Variants in TOX observed in about 807,000 individuals in gnomAD.
TOX encodes thymocyte selection associated high mobility group box, also known as thymocyte selection-associated high mobility group box protein TOX.
TOX carries 11 observed loss-of-function variants against 53.7 expected under a neutral mutation model. That is an observed-to-expected ratio of 0.20 (90% CI 0.13 to 0.34). The LOEUF (loss-of-function observed/expected upper bound fraction) is 0.34. TOX is among the 10% of genes least tolerant of loss of function. The pLI is 1.00. For synonymous variants in TOX, 225 were observed against 245.3 expected, an observed-to-expected ratio of 0.92 and a Z score of 0.77; for missense variants, 570 against 664.6, an observed-to-expected ratio of 0.86 and a Z score of 1.56.
intron 1 of TOX, among the ~76,000 whole-genome samples, chr8:59,030,709 T>A (rs2129420008): frequency 6.6e-6 from 1 of 152,314 alleles, no homozygotes; most frequent in Non-Finnish European, 1.5e-5. Flanking sequence ...GCATTCAACA[T>A]GTTCCAACGG....
chr8:58,863,378 C>T (rs754151516), intron 3 of TOX, among the ~76,000 whole-genome samples: 2 of 152,142 alleles, frequency 1.3e-5, no homozygotes, highest in African/African-American at 2.4e-5. Context: ...ACCTAATATA[C>T]TAAGCACGGT....
At chr8:58,830,540 G>GA (rs1810436311) in intron 5 of TOX, among the ~76,000 whole-genome samples, 1 of 152,080 alleles carries the variant, frequency 6.6e-6, no homozygotes, top group Admixed American at 6.6e-5. Context: ...AACTCAAACA[G>GA]AAAAAATTTC....
At chr8:58,844,467 G>C (rs1390325887) in intron 4 of TOX, among the ~76,000 whole-genome samples, 2 of 152,092 alleles carry the variant, frequency 1.3e-5, no homozygotes, top group East Asian at 3.8e-4. Context: ...TTAGAATATG[G>C]AAGAAACCAT....
intron 2 of TOX, among the ~76,000 whole-genome samples, chr8:58,950,983 AT>A (rs1812612057): frequency 6.6e-6 from 1 of 152,212 alleles, no homozygotes; most frequent in South Asian, 2.1e-4. Context: ...TAACTAAGAA[AT>A]GGTAAAATAG....
chr8:59,031,742 C>A (rs1306947070), intron 1 of TOX, among the ~76,000 whole-genome samples: 1 of 152,126 alleles, frequency 6.6e-6, no homozygotes, highest in African/African-American at 2.4e-5. Flanking sequence ...GAAGATTGTT[C>A]CAGACTGAGC....
chr8:59,035,602 C>A (rs1273656284), intron 1 of TOX, among the ~76,000 whole-genome samples: 2 of 152,210 alleles, frequency 1.3e-5, no homozygotes, highest in Non-Finnish European at 2.9e-5. Flanking sequence ...CATCTAATCT[C>A]TCAGAGCCTA....
intron 1 of TOX, among the ~76,000 whole-genome samples, chr8:59,058,218 C>T (rs1230405330): frequency 6.6e-6 from 1 of 152,188 alleles, no homozygotes; most frequent in African/African-American, 2.4e-5. Flanking sequence ...GCAGCACTAG[C>T]ATTTGGAAGG....
At chr8:58,874,732 A>G (rs1811256478) in intron 3 of TOX, among the ~76,000 whole-genome samples, 1 of 152,126 alleles carries the variant, frequency 6.6e-6, no homozygotes, top group African/African-American at 2.4e-5. Context: ...AAAGGCGGGG[A>G]ATTCCCATTA....
At chr8:59,051,819 C>A (rs191101434) in intron 1 of TOX, among the ~76,000 whole-genome samples, 194 of 152,226 alleles carry the variant, frequency 1.3e-3, no homozygotes, top group Non-Finnish European at 2.1e-3. Context: ...TATTTAGACT[C>A]CCAATACTGC....
At chr8:58,951,983 A>C (rs1812629401) in intron 2 of TOX, among the ~76,000 whole-genome samples, 1 of 152,250 alleles carries the variant, frequency 6.6e-6, no homozygotes, top group South Asian at 2.1e-4. Context: ...GAAAGAAAAA[A>C]TACAGATATG....
intron 3 of TOX, among the ~76,000 whole-genome samples, chr8:58,897,860 A>G (rs553124859): frequency 3.9e-5 from 6 of 152,268 alleles, no homozygotes; most frequent in Non-Finnish European, 5.9e-5. Context: ...ATCCATCAAA[A>G]GATTGGCTAG....
At chr8:59,086,806 ACT>A (rs1563442011) in intron 1 of TOX, among the ~76,000 whole-genome samples, 1 of 152,178 alleles carries the variant, frequency 6.6e-6, no homozygotes, top group East Asian at 1.9e-4. Context: ...GCCTTAAGGC[ACT>A]CTCTGATGGC....
In TOX at chr8:59,074,628, G is replaced by T. The variant is rs2129422805; in HGVS notation, c.102+44258C>A. On this transcript the variant is annotated intron_variant, in intron 1 of 8. Transcript: ENST00000361421. Reference sequence around the variant, plus strand: ...ACTAAGATATAGTGGACTGCTTCTGGATGTTGTAGACAGAAATTAAAGTTA... The same window carrying T: ...ACTAAGATATAGTGGACTGCTTCTGTATGTTGTAGACAGAAATTAAAGTTA... Among the ~76,000 whole-genome samples the T allele has an allele frequency of 1.3e-5, 2 of 152,262 alleles. 1 individual carries two copies. The highest frequency in any genetic ancestry group is 4.2e-4 in the South Asian group (2 of 4,816).
intron 3 of TOX, among the ~76,000 whole-genome samples, chr8:58,893,080 A>G (rs1360121043): frequency 6.6e-6 from 1 of 152,164 alleles, no homozygotes; most frequent in Non-Finnish European, 1.5e-5. Flanking sequence ...ATATTGGTTT[A>G]TTTTGCTCCA....
intron 1 of TOX, among the ~76,000 whole-genome samples, chr8:59,056,913 C>A (rs979695092): frequency 1.3e-5 from 2 of 152,214 alleles, no homozygotes. Flanking sequence ...AAACTGCACA[C>A]TTACTTGAAC....
intron 6 of TOX, among the ~76,000 whole-genome samples, chr8:58,823,682 G>A (rs754947883): frequency 1.3e-5 from 2 of 152,276 alleles, no homozygotes; most frequent in Middle Eastern, 3.4e-3. Context: ...GGCCTTTCAA[G>A]TATCATGAAA....
chr8:58,843,776 T>G (rs1810681093), intron 4 of TOX, among the ~76,000 whole-genome samples: 1 of 152,220 alleles, frequency 6.6e-6, no homozygotes, highest in Non-Finnish European at 1.5e-5. Context: ...GCTGCCATTT[T>G]AGATTCTGTG....
At position 58,808,128 on chromosome 8, in the gene TOX, A is replaced by C; in HGVS notation, c.1534T>G (p.Cys512Gly). 1 of 1,613,096 alleles carries C rather than the reference A, an allele frequency of 6.2e-7. No individual in the cohort carries two copies. Among genetic ancestry groups the C allele is most frequent in the Non-Finnish European group, 8.5e-7 (1 of 1,179,508 alleles). ...TGACCGGCCGCTTACCCACTACTGCAGTAGTCGTTATTCCAGTCCACCGGT... is the reference window on the plus strand; with the variant it reads ...TGACCGGCCGCTTACCCACTACTGCCGTAGTCGTTATTCCAGTCCACCGGT... ...PQPVDWNNDYCSSGGMQRDKA... is the reference protein window; with the variant it reads ...PQPVDWNNDYGSSGGMQRDKA... Residue 512 changes from cysteine (C) to glycine (G), a missense_variant, in exon 8 of 9, where the codon TGC (cysteine) becomes GGC (glycine). Coordinates refer to ENST00000361421, the MANE Select transcript of TOX (RefSeq NM_014729.3).
At chr8:59,078,830 T>C (rs945366014) in intron 1 of TOX, among the ~76,000 whole-genome samples, 1 of 152,120 alleles carries the variant, frequency 6.6e-6, no homozygotes, top group African/African-American at 2.4e-5. Flanking sequence ...TTCTTAAAGA[T>C]TGATTAAATG....
Sources: allele counts gnomAD v4.1 joint callset (sites outside exome capture counted in the v4.1 genomes callset), GRCh38; gene constraint gnomAD v4.1.1; transcripts MANE v1.5; gene names NCBI Gene and HGNC (gene_info 2026-07-23, HGNC 2026-07-21).